PTPRN2: variants seen among roughly 807,000 people sequenced by gnomAD.
The protein encoded by PTPRN2 is protein tyrosine phosphatase receptor type N2.
Under a neutral mutation model 118.8 loss-of-function variants are expected in PTPRN2, and 74 were observed. That is an observed-to-expected ratio of 0.62 (90% CI 0.52 to 0.76). The LOEUF is 0.76. PTPRN2 is among the 30% of genes least tolerant of loss of function. The pLI is 0.00. For missense variants in PTPRN2, 1,481 were observed against 1,394.4 expected, an observed-to-expected ratio of 1.06 and a Z score of -0.99; for synonymous variants, 641 against 608.0, an observed-to-expected ratio of 1.05 and a Z score of -0.80.
At chr7:158,452,077 C>A (rs372864031) in intron 2 of PTPRN2, among the ~76,000 whole-genome samples, 1 of 152,096 alleles carries the variant, frequency 6.6e-6, no homozygotes, top group African/African-American at 2.4e-5. Flanking sequence ...AATACCCATA[C>A]GCATTTGGGT....
At chr7:157,823,643 A>G (rs976676197) in intron 12 of PTPRN2, among the ~76,000 whole-genome samples, 2 of 152,218 alleles carry the variant, frequency 1.3e-5, no homozygotes. Flanking sequence ...CCAAGACTAC[A>G]GGTTAGATCA....
chr7:157,745,017 G>A (rs776584994), intron 12 of PTPRN2, among the ~76,000 whole-genome samples: 22 of 152,258 alleles, frequency 1.4e-4, no homozygotes, highest in Non-Finnish European at 2.8e-4. Context: ...CCTTCCTTAC[G>A]AGGACTACGG....
At chr7:157,605,150 C>T (rs1259700286) in intron 15 of PTPRN2, among the ~76,000 whole-genome samples, 3 of 152,208 alleles carry the variant, frequency 2.0e-5, no homozygotes, top group Admixed American at 6.5e-5. Flanking sequence ...CTGCCAAGGG[C>T]GAGTCAGGCA....
rs867649609 is a variant in PTPRN2, at chr7:158,273,772, G to T, written c.277+43047C>A. Among the ~76,000 whole-genome samples, 486 of 130,334 alleles carry T rather than the reference G, an allele frequency of 3.7e-3. 3 individuals are homozygous for T. Among genetic ancestry groups the T allele is most frequent in the African/African-American group, 0.013 (459 of 34,126 alleles). The allele number at this position is 130,334 out of a possible 152,430, so 85.5% of individuals were successfully genotyped here. A position where few individuals can be genotyped will look rare whatever the true frequency, so the allele number is the denominator to read the frequency against. ...ACAGGGGGAGCCACAGACAGACATG[G>T]GAGGAGCCGCAGACACGGGGAGCCG... On this transcript the variant is annotated intron_variant, in intron 3 of 22. Coordinates refer to ENST00000389418, the MANE Select transcript of PTPRN2 (RefSeq NM_002847.5).
At chr7:158,071,846 GTGGTGGTGGAGGTGC>G (rs1811875909) in intron 11 of PTPRN2, among the ~76,000 whole-genome samples, 1 of 37,102 alleles carries the variant, frequency 2.7e-5, no homozygotes, top group Non-Finnish European at 4.8e-5. Context: ...GGAGGTGCTC[GTGGTGGTGGAGGTGC>G]TCGTCATATG....
rs114745486 is a variant in PTPRN2 at position 158,136,154 on chromosome 7, G to A, written c.1173+501C>T. On this transcript the variant is annotated intron_variant, in intron 8 of 22. Transcript: ENST00000389418. ...TGGCCCTGAGCCACATGCGACTAAC[G>A]TGCCGCCGACCTGAACCCAGTGCGG... Among the ~76,000 whole-genome samples, 410 of 152,302 alleles carry A rather than the reference G, an allele frequency of 2.7e-3. 1 individual carries two copies. Among genetic ancestry groups the A allele is most frequent in the African/African-American group, 8.9e-3 (369 of 41,580 alleles).
At chr7:157,649,313 C>T (rs1171661613) in intron 14 of PTPRN2, among the ~76,000 whole-genome samples, 4 of 85,322 alleles carry the variant, frequency 4.7e-5, no homozygotes, top group South Asian at 4.4e-4. Context: ...CTTGGTGGGT[C>T]GGACCCATTC....
intron 14 of PTPRN2, 45 bp from the exon 15 acceptor site, chr7:157,621,554 C>G: frequency 6.2e-7 from 1 of 1,600,778 alleles, no homozygotes; most frequent in East Asian, 2.2e-5. Flanking sequence ...GGTGGTGAGC[C>G]CAGACCGGCA....
chr7:158,193,664 G>T (rs1432620447), intron 4 of PTPRN2, among the ~76,000 whole-genome samples: 1 of 152,060 alleles, frequency 6.6e-6, no homozygotes, highest in Admixed American at 6.5e-5. Context: ...GGATGGGCAT[G>T]GCCCTCCCTG....
chr7:157,606,354 G>C (rs567970722), intron 15 of PTPRN2, among the ~76,000 whole-genome samples: 7 of 152,198 alleles, frequency 4.6e-5, no homozygotes, highest in Non-Finnish European at 4.4e-5. Context: ...GCGTGGGGGT[G>C]GGGGTGGGGT....
chr7:158,320,141 C>T (rs113872689), intron 2 of PTPRN2, among the ~76,000 whole-genome samples: 5 of 20,166 alleles, frequency 2.5e-4, no homozygotes, highest in African/African-American at 4.2e-4. Context: ...ACACACACAG[C>T]CTCCCTTGTA....
At chr7:158,566,503 C>G (rs1396527732) in intron 1 of PTPRN2, among the ~76,000 whole-genome samples, 1 of 152,172 alleles carries the variant, frequency 6.6e-6, no homozygotes, top group Non-Finnish European at 1.5e-5. Flanking sequence ...CATCCTGCCA[C>G]AAGCACCGCA....
chr7:157,990,648 G>C lies in PTPRN2; in HGVS notation c.1723+90650C>G, dbSNP rs1230596720. Among the ~76,000 whole-genome samples, 1 of 152,190 alleles carries C rather than the reference G, an allele frequency of 6.6e-6. No individual in the cohort carries two copies. The highest frequency in any genetic ancestry group is 1.5e-5 in the Non-Finnish European group (1 of 68,034). On this transcript the variant is annotated intron_variant, in intron 11 of 22. Transcript: ENST00000389418. This position sits in a 1 kb window ranked among gnomAD's most constrained non-coding sequence, Gnocchi z 4.3. ...CAGGGCGGTGCTGACAGTAGGACAT[G>C]CTGGTCCCCTTCCCAGTGAAGTCCC...
rs867428931 is a variant in PTPRN2 at position 157,794,232 on chromosome 7, C to G, written c.1788+104441G>C. On this transcript the variant is annotated intron_variant, in intron 12 of 22. Coordinates refer to ENST00000389418, the MANE Select transcript of PTPRN2 (RefSeq NM_002847.5). The surrounding 1 kb of genome is among the most constrained non-coding windows in gnomAD (Gnocchi z 5.2). ...ACCCGGGCTCACACCTCCCCTCGTT[C>G]TCTGCTCCGACCCGGGCTCACACCT... Among the ~76,000 whole-genome samples, 6 of 151,068 alleles carry G rather than the reference C, an allele frequency of 4.0e-5. No individual in the cohort carries two copies. Among genetic ancestry groups the G allele is most frequent in the Non-Finnish European group, 4.4e-5 (3 of 67,734 alleles).
chr7:158,151,141 A>T (rs1051315721), intron 6 of PTPRN2, among the ~76,000 whole-genome samples: 1 of 76,282 alleles, frequency 1.3e-5, no homozygotes, highest in Non-Finnish European at 2.6e-5. Flanking sequence ...CCGCCTTTCT[A>T]TTCCTGCCTC....
intron 2 of PTPRN2, among the ~76,000 whole-genome samples, chr7:158,354,018 C>T (rs1446470460): frequency 7.9e-5 from 12 of 152,186 alleles, no homozygotes; most frequent in African/African-American, 2.2e-4. Flanking sequence ...CGCAGCCCCA[C>T]GCTGCAGGAC....
At chr7:158,428,970 G>C (rs1476944930) in intron 2 of PTPRN2, among the ~76,000 whole-genome samples, 1 of 152,228 alleles carries the variant, frequency 6.6e-6, no homozygotes, top group South Asian at 2.1e-4. Flanking sequence ...GAGGATTTAC[G>C]AGTTCCAGCT....
chr7:157,998,715 C>T (rs1328459546), intron 11 of PTPRN2, among the ~76,000 whole-genome samples: 3 of 149,200 alleles, frequency 2.0e-5, no homozygotes, highest in South Asian at 2.2e-4. Flanking sequence ...CCCAGCTACT[C>T]GGGATGCTGT....
intron 3 of PTPRN2, among the ~76,000 whole-genome samples, chr7:158,263,028 TAC>T (rs1316771424): frequency 0.012 from 1,323 of 113,968 alleles, 23 homozygotes; most frequent in African/African-American, 0.046. Context: ...AGTGCACACA[TAC>T]ATATTCACAA....
Sources: allele counts gnomAD v4.1 joint callset (sites outside exome capture counted in the v4.1 genomes callset), GRCh38; gene constraint gnomAD v4.1.1; non-coding constraint Gnocchi (gnomAD v3.1); transcripts MANE v1.5; gene names NCBI Gene and HGNC (gene_info 2026-07-23, HGNC 2026-07-21).